STXBP5: variants seen among roughly 807,000 people sequenced by gnomAD.
STXBP5 encodes syntaxin binding protein 5.
A neutral mutation model predicts 152.4 loss-of-function variants in STXBP5; 50 were observed. That is an observed-to-expected ratio of 0.33 (90% CI 0.26 to 0.42). The LOEUF (loss-of-function observed/expected upper bound fraction) is 0.42. STXBP5 is among the 10% of genes least tolerant of loss of function. The pLI, the probability that STXBP5 is intolerant of heterozygous loss-of-function variation, is 1.00. For missense variants in STXBP5, 1,167 were observed against 1,388.6 expected (o/e 0.84, Z 2.54); for synonymous variants, 492 against 494.7 (o/e 0.99, Z 0.07).
At chr6:147,220,401 A>G (rs73788833) in intron 2 of STXBP5, among the ~76,000 whole-genome samples, 9,581 of 152,146 alleles carry the variant, frequency 0.063, 423 homozygotes, top group African/African-American at 0.12. Flanking sequence ...TTGGTAAAGA[A>G]TGGTGTTGAG....
rs185276341 is a variant in STXBP5 at position 147,359,192 on chromosome 6, G to T, written c.2414G>T (p.Arg805Leu). 2 of 1,613,998 alleles carry T rather than the reference G, an allele frequency of 1.2e-6. No individual in the cohort carries two copies. The highest frequency in any genetic ancestry group is 1.7e-6 in the Non-Finnish European group (2 of 1,179,942). The change falls in exon 23 of 28, where the codon CGA becomes CTA. Residue 805 changes from arginine (R) to leucine (L), a missense_variant. Coordinates refer to ENST00000321680, the MANE Select transcript of STXBP5 (RefSeq NM_001127715.4). ...SALHFCETFTRKTDSSPSPCL... is the reference protein window; with the variant it reads ...SALHFCETFTLKTDSSPSPCL... ...CTTCATTTCTGTGAAACGTTTACTC[G>T]AAAGACGGACTCGTCCCCTTCCCCT...
At chr6:147,296,189 C>T (rs1781514459) in intron 9 of STXBP5, among the ~76,000 whole-genome samples, 1 of 152,080 alleles carries the variant, frequency 6.6e-6, no homozygotes, top group South Asian at 2.1e-4. Context: ...GTGCCTGAAC[C>T]AGTTGAACTG....
intron 26 of STXBP5, among the ~76,000 whole-genome samples, 172 bp from the exon 27 acceptor site, chr6:147,382,606 T>C (rs1030359110): frequency 2.6e-5 from 4 of 152,158 alleles, no homozygotes; most frequent in African/African-American, 9.6e-5. Flanking sequence ...TATCTAAAAA[T>C]TATTAAACCA....
intron 4 of STXBP5, among the ~76,000 whole-genome samples, chr6:147,254,940 C>T (rs1330122162): frequency 6.6e-6 from 1 of 152,154 alleles, no homozygotes; most frequent in Non-Finnish European, 1.5e-5. Context: ...CCAGAAATAC[C>T]ATTTGACCCA....
chr6:147,289,543 T>C (rs994724934), intron 8 of STXBP5, among the ~76,000 whole-genome samples: 156 of 152,300 alleles, frequency 1.0e-3, no homozygotes, highest in African/African-American at 3.6e-3. Context: ...GGAAAATATT[T>C]GCAACATACA....
intron 17 of STXBP5, 83 bp from the exon 18 acceptor site, chr6:147,327,041 TC>T (rs1441097710): frequency 7.7e-7 from 1 of 1,304,928 alleles, no homozygotes; most frequent in Non-Finnish European, 1.1e-6. Context: ...CCACCATGCT[TC>T]TTTCTTCAGC....
intron 26 of STXBP5, among the ~76,000 whole-genome samples, chr6:147,375,737 A>G (rs533096977): frequency 2.0e-5 from 3 of 151,908 alleles, no homozygotes; most frequent in South Asian, 4.1e-4. Flanking sequence ...AAAATTTTCA[A>G]TTAACTAATC....
intron 9 of STXBP5, among the ~76,000 whole-genome samples, chr6:147,305,946 T>C (rs1782068613): frequency 6.6e-6 from 1 of 152,188 alleles, no homozygotes; most frequent in South Asian, 2.1e-4. Flanking sequence ...TGCAGACAAT[T>C]AGTAATGTAG....
At chr6:147,310,458 T>G (rs1048859087) in intron 10 of STXBP5, among the ~76,000 whole-genome samples, 4 of 152,184 alleles carry the variant, frequency 2.6e-5, no homozygotes, top group Admixed American at 2.6e-4. Context: ...AAGAAACATT[T>G]TAAAATTCTG....
chr6:147,225,903 T>C (rs892897593), intron 2 of STXBP5, among the ~76,000 whole-genome samples: 1 of 152,214 alleles, frequency 6.6e-6, no homozygotes, highest in African/African-American at 2.4e-5. Context: ...TTAAGGGCTA[T>C]AATGGATCCT....
intron 4 of STXBP5, among the ~76,000 whole-genome samples, chr6:147,244,817 C>G (rs1424633550): frequency 1.3e-5 from 2 of 151,918 alleles, no homozygotes; most frequent in African/African-American, 4.8e-5. Flanking sequence ...TTTTTTGTTT[C>G]TATGAGAAAT....
At chr6:147,311,308 C>T (rs544986385) in intron 10 of STXBP5, 147 bp from the exon 11 acceptor site, 8 of 687,786 alleles carry the variant, frequency 1.2e-5, no homozygotes, top group South Asian at 1.8e-5. Context: ...ACTTACTAGC[C>T]TTAAATAACA....
rs568000712 is a variant in STXBP5 at position 147,359,427 on chromosome 6, A to T, written c.2545+104A>T. On this transcript the variant is annotated intron_variant, in intron 23 of 27. Transcript: ENST00000321680. Reference sequence around the variant, plus strand: ...ATTGATCTAAGAATTCCAAAATGTAAAGTAAATGGGGACAGTGATGGCCTT... The same window carrying T: ...ATTGATCTAAGAATTCCAAAATGTATAGTAAATGGGGACAGTGATGGCCTT... The T allele has an allele frequency of 1.4e-4, 193 of 1,405,700 alleles. 1 individual carries two copies. The African/African-American group carries it at 2.5e-3, about 18-fold the overall frequency. The allele number at this position is 1,405,700 out of a possible 1,614,324, so 87.1% of individuals were successfully genotyped here. A position where few individuals can be genotyped will look rare whatever the true frequency, so the allele number is the denominator to read the frequency against.
intron 2 of STXBP5, among the ~76,000 whole-genome samples, chr6:147,211,662 C>G (rs1270977709): frequency 6.6e-6 from 1 of 152,202 alleles, no homozygotes; most frequent in African/African-American, 2.4e-5. Flanking sequence ...TTATAGCTCA[C>G]TTCAGCCTCC....
chr6:147,368,794 ATATT>A (rs1410152231), intron 25 of STXBP5, among the ~76,000 whole-genome samples: 5 of 152,080 alleles, frequency 3.3e-5, no homozygotes, highest in Non-Finnish European at 5.9e-5. Context: ...TTATTTCTAT[ATATT>A]AGCAATGAAC....
At chr6:147,354,689 A>G (rs1037721754) in intron 22 of STXBP5, among the ~76,000 whole-genome samples, 1 of 152,196 alleles carries the variant, frequency 6.6e-6, no homozygotes, top group Non-Finnish European at 1.5e-5. Flanking sequence ...TACCATAGCC[A>G]ATTATTTTTT....
intron 21 of STXBP5, among the ~76,000 whole-genome samples, chr6:147,352,457 A>G (rs1456551430): frequency 6.6e-6 from 1 of 152,172 alleles, no homozygotes; most frequent in Non-Finnish European, 1.5e-5. Context: ...CTAAGAATAC[A>G]AAAATTAGCT....
intron 4 of STXBP5, among the ~76,000 whole-genome samples, chr6:147,245,944 T>C (rs978936823): frequency 2.0e-5 from 3 of 152,190 alleles, no homozygotes; most frequent in Non-Finnish European, 2.9e-5. Context: ...ACTTCTGGCC[T>C]CCAGAACTGT....
intron 4 of STXBP5, among the ~76,000 whole-genome samples, chr6:147,246,264 CT>C (rs1463907219): frequency 6.6e-6 from 1 of 152,104 alleles, no homozygotes; most frequent in African/African-American, 2.4e-5. Flanking sequence ...CTCTTCTAGT[CT>C]TTTTTCATCA....
Sources: gnomAD v4.1 joint callset for allele counts (sites outside exome capture counted in the v4.1 genomes callset) on GRCh38, gnomAD v4.1.1 for gene constraint, MANE v1.5 for transcripts, NCBI Gene and HGNC (gene_info 2026-07-23, HGNC 2026-07-21) for gene names.